The following SPATS2L variants were observed in gnomAD, a reference collection of about 807,000 sequenced individuals.
SPATS2L encodes spermatogenesis associated serine rich 2 like, also known as SPATS2-like protein.
SPATS2L carries 30 observed loss-of-function variants against 59.6 expected under a neutral mutation model. The observed-to-expected ratio is 0.50, with a 90% CI of 0.38 to 0.68. The LOEUF is 0.68. Ranked by LOEUF, SPATS2L falls within the 30% of genes least tolerant of loss-of-function variation. SPATS2L has a pLI of 0.00. For synonymous variants in SPATS2L, 252 were observed against 263.5 expected (o/e 0.96, Z 0.42); for missense variants, 615 against 700.0 (o/e 0.88, Z 1.37).
chr2:200,348,846 T>G (rs2080612007), intron 2 of SPATS2L, among the ~76,000 whole-genome samples: 1 of 151,664 alleles, frequency 6.6e-6, no homozygotes, highest in Admixed American at 6.6e-5. Flanking sequence ...AAGAGAAATA[T>G]TATTGAGTTT....
chr2:200,361,724 C>G (rs1389343304), intron 2 of SPATS2L, among the ~76,000 whole-genome samples: 1 of 152,206 alleles, frequency 6.6e-6, no homozygotes, highest in Non-Finnish European at 1.5e-5. Flanking sequence ...TTTCTACATC[C>G]TCTTCAGTTT....
intron 2 of SPATS2L, among the ~76,000 whole-genome samples, chr2:200,355,068 A>G (rs552235334): frequency 1.3e-5 from 2 of 152,252 alleles, no homozygotes; most frequent in South Asian, 2.1e-4. Context: ...TCCCGTAGAC[A>G]TAAAAGGCCG....
At chr2:200,467,009 G>A (rs1051157874) in intron 9 of SPATS2L, among the ~76,000 whole-genome samples, 8 of 152,286 alleles carry the variant, frequency 5.3e-5, no homozygotes, top group South Asian at 4.1e-4. Flanking sequence ...TCTAAATTCC[G>A]TAAGTGAGGT....
At chr2:200,318,478 C>T (rs1277610988) in intron 1 of SPATS2L, among the ~76,000 whole-genome samples, 1 of 152,136 alleles carries the variant, frequency 6.6e-6, no homozygotes, top group African/African-American at 2.4e-5. Context: ...TTATTTAGTG[C>T]TGGTTTGTAG....
At chr2:200,393,799 T>C (rs180796574) in intron 3 of SPATS2L, among the ~76,000 whole-genome samples, 4 of 152,354 alleles carry the variant, frequency 2.6e-5, no homozygotes, top group African/African-American at 9.6e-5. Context: ...ATAACAACTG[T>C]TATGTCTTAG....
intron 2 of SPATS2L, among the ~76,000 whole-genome samples, chr2:200,333,486 TTTTTATTTTTTATTTTA>T (rs1446363446): frequency 1.3e-5 from 2 of 151,760 alleles, no homozygotes; most frequent in East Asian, 1.9e-4. Context: ...TTTAAAATTT[TTTTTATTTTTTATTTTA>T]TTTTATTTTT....
At position 200,459,831 on chromosome 2, in the gene SPATS2L, A is replaced by G; in HGVS notation, c.847+4A>G. 1 of 1,602,998 alleles carries G rather than the reference A, an allele frequency of 6.2e-7. No homozygotes were observed. The highest frequency in any genetic ancestry group is 8.5e-7 in the Non-Finnish European group (1 of 1,171,068). ...GATAAAGTTAAAGAAGAAGCCAGTA[A>G]GTAGACAACACATGGTTATTTGATT... On this transcript the variant is annotated splice_donor_region_variant and intron_variant, in intron 9 of 12. Transcript: ENST00000409140.
rs185217470 is a variant in SPATS2L, at chr2:200,396,238, T to G, written c.39+6955T>G. On this transcript the variant is annotated intron_variant, in intron 3 of 12. Coordinates refer to ENST00000409140, the MANE Select transcript of SPATS2L (RefSeq NM_001100423.2). ...AAATGGGGAACAGCTCAGTCTATAA[T>G]GTCATCGCTGAGCTGCGCCACTCAC... is the stretch of plus-strand genomic sequence containing the variant. 1.8e-4 allele frequency among the ~76,000 whole-genome samples: 28 copies of G among 151,764 alleles called. No homozygotes were observed. In the East Asian group the frequency reaches 5.2e-3, roughly 28 times the overall value.
At chr2:200,429,695 T>C (rs1477100465) in intron 6 of SPATS2L, among the ~76,000 whole-genome samples, 1 of 152,158 alleles carries the variant, frequency 6.6e-6, no homozygotes, top group African/African-American at 2.4e-5. Flanking sequence ...AGAGATATAC[T>C]CCTGTTCTTA....
At chr2:200,380,730 A>G (rs1431038611) in intron 2 of SPATS2L, among the ~76,000 whole-genome samples, 1 of 152,240 alleles carries the variant, frequency 6.6e-6, no homozygotes, top group Non-Finnish European at 1.5e-5. Flanking sequence ...ATTTGCCCTT[A>G]AAATGCTTTT....
intron 1 of SPATS2L, among the ~76,000 whole-genome samples, chr2:200,319,106 T>C (rs937274228): frequency 6.6e-6 from 1 of 152,216 alleles, no homozygotes; most frequent in African/African-American, 2.4e-5. Context: ...AGAATAAATA[T>C]GCACCTTCTG....
Position 200,340,979 on chromosome 2 carries a change from A to G in SPATS2L, c.-23+11499A>G, listed in dbSNP as rs79382893. Among the ~76,000 whole-genome samples the G allele has an allele frequency of 4.2e-3, 645 of 152,292 alleles. 14 individuals are homozygous for G. Among genetic ancestry groups the G allele is most frequent in the Admixed American group, 0.033 (501 of 15,298 alleles). On this transcript the variant is annotated intron_variant, in intron 2 of 12. Coordinates refer to ENST00000409140, the MANE Select transcript of SPATS2L (RefSeq NM_001100423.2). ...AATCACAGAAGCAATGTAACTGTTA[A>G]AGATAAGGATAGCGCTTGTGGCCCT...
At chr2:200,321,032 CTT>C (rs1299220498) in intron 1 of SPATS2L, among the ~76,000 whole-genome samples, 1 of 152,100 alleles carries the variant, frequency 6.6e-6, no homozygotes, top group African/African-American at 2.4e-5. Context: ...AATACATACT[CTT>C]TGAATTTGGA....
rs528241769 is a variant in SPATS2L, at chr2:200,479,750, G to C, written c.*1719G>C. On this transcript the variant is annotated 3_prime_UTR_variant, in exon 13 of 13. Coordinates refer to ENST00000409140, the MANE Select transcript of SPATS2L (RefSeq NM_001100423.2). ...TTTTTTCTGGCAACCCAGGTTCACT[G>C]GTTCTCTTCCACAGAGCGGCCCTGA... 1 of 398,620 alleles carries C rather than the reference G, an allele frequency of 2.5e-6. No homozygotes were observed. Among genetic ancestry groups the C allele is most frequent in the South Asian group, 1.3e-4 (1 of 7,846 alleles). 24.7% of individuals were successfully genotyped at this position (398,620 alleles called of 1,614,324 possible). A position where few individuals can be genotyped will look rare whatever the true frequency, so the allele number is the denominator to read the frequency against.
intron 6 of SPATS2L, among the ~76,000 whole-genome samples, chr2:200,421,118 G>C (rs1204038859): frequency 6.6e-6 from 1 of 152,160 alleles, no homozygotes; most frequent in African/African-American, 2.4e-5. Context: ...AGAAGGATAT[G>C]ATATGGTCTA....
At chr2:200,371,464 A>G (rs574474121) in intron 2 of SPATS2L, among the ~76,000 whole-genome samples, 1 of 152,300 alleles carries the variant, frequency 6.6e-6, no homozygotes, top group East Asian at 1.9e-4. Flanking sequence ...TGTACAGAAA[A>G]AGCTCTTTTA....
chr2:200,423,989 C>G (rs1488441427), intron 6 of SPATS2L, among the ~76,000 whole-genome samples: 1 of 152,200 alleles, frequency 6.6e-6, no homozygotes, highest in East Asian at 1.9e-4. Flanking sequence ...ATCATCATTT[C>G]AGGCTGTAAA....
chr2:200,405,437 C>A (rs903013364), intron 3 of SPATS2L, among the ~76,000 whole-genome samples: 10 of 150,984 alleles, frequency 6.6e-5, no homozygotes, highest in Non-Finnish European at 1.2e-4. Context: ...CCCCAAAAGT[C>A]AGCCAAGTAG....
intron 12 of SPATS2L, among the ~76,000 whole-genome samples, chr2:200,475,705 C>T (rs2087463068): frequency 6.6e-6 from 1 of 152,160 alleles, no homozygotes; most frequent in Admixed American, 6.5e-5. Flanking sequence ...TATGGACCTA[C>T]ATTTGTACTC....
Sources: allele counts gnomAD v4.1 joint callset (sites outside exome capture counted in the v4.1 genomes callset), GRCh38; gene constraint gnomAD v4.1.1; transcripts MANE v1.5; gene names NCBI Gene and HGNC (gene_info 2026-07-23, HGNC 2026-07-21).